The following CLDN15 variants were observed in gnomAD, a reference collection of about 807,000 sequenced individuals.
The protein encoded by CLDN15 is claudin 15.
In CLDN15, 9 loss-of-function variants were observed where a neutral mutation model predicts 24.5. That is an observed-to-expected ratio of 0.37 (90% CI 0.22 to 0.64). The LOEUF (loss-of-function observed/expected upper bound fraction) is 0.64, where lower values mean the gene tolerates loss of function less well. CLDN15 is among the 30% of genes least tolerant of loss of function. CLDN15 has a pLI of 0.63. For missense variants in CLDN15, 248 were observed against 305.9 expected (o/e 0.81, Z 1.41); for synonymous variants, 149 against 131.4 (o/e 1.13, Z -0.92).
chr7:101,234,857 A>C (rs1798592976), intron 1 of CLDN15, among the ~76,000 whole-genome samples: 1 of 147,514 alleles, frequency 6.8e-6, no homozygotes, highest in Non-Finnish European at 1.5e-5. Context: ...CCTGCTCCCC[A>C]CTCCTCCCAT....
Position 101,237,386 on chromosome 7 carries a change from G to A in CLDN15, c.196C>T (p.Pro66Ser), listed in dbSNP as rs767969661. 5.0e-6 allele frequency: 8 copies of A among 1,611,716 alleles called. No homozygotes were observed. The East Asian group carries it at 1.6e-4, about 31-fold the overall frequency. ...SLGVYNCWEF[P>S]SMLALSGYIQ... ...ATACCAGAGAGGGCCAGCATGGACG[G>A]GAACTCCCAGCAGTTGTAGACGCCC... Residue 66 changes from proline (P) to serine (S), a missense_variant, in exon 1 of 5, where the codon CCG (proline) becomes TCG (serine). Pro to Ser is a moderately conservative substitution (Grantham distance 74). Coordinates refer to ENST00000308344, the MANE Select transcript of CLDN15 (RefSeq NM_014343.3). The surrounding 1 kb of genome is among the most constrained non-coding windows in gnomAD (Gnocchi z 4.0).
chr7:101,234,586 C>T (rs1798589530), intron 1 of CLDN15, 144 bp from the exon 2 acceptor site: 5 of 613,636 alleles, frequency 8.1e-6, no homozygotes, highest in African/African-American at 1.8e-5. Flanking sequence ...ACCACCACGC[C>T]CGGCTAATTT....
chr7:101,235,142 T>G (rs1450594288), intron 1 of CLDN15, among the ~76,000 whole-genome samples: 2 of 152,218 alleles, frequency 1.3e-5, no homozygotes, highest in East Asian at 3.8e-4. Flanking sequence ...CGCTGTCGCC[T>G]TCCCCACGTC....
At chr7:101,234,038 C>T (rs771438857) in intron 2 of CLDN15, 31 of 689,936 alleles carry the variant, frequency 4.5e-5, no homozygotes, top group South Asian at 4.3e-4. Context: ...CTTCGAAGTC[C>T]CTCCCACACC....
Position 101,237,246 on chromosome 7 carries a change from T to G in CLDN15, c.217+119A>C. On this transcript the variant is annotated intron_variant, in intron 1 of 4. Coordinates refer to ENST00000308344, the MANE Select transcript of CLDN15 (RefSeq NM_014343.3). The surrounding 1 kb of genome is among the most constrained non-coding windows in gnomAD (Gnocchi z 4.0). ...CCCCAGCACTCCTGGCTGCGGGAAC[T>G]CAGACCCGCAGAGCTTAATTCAGGG... 2 of 736,214 alleles carry G rather than the reference T, an allele frequency of 2.7e-6. No individual in the cohort carries two copies. Among genetic ancestry groups the G allele is most frequent in the Non-Finnish European group, 2.4e-6 (1 of 422,658 alleles). 45.6% of individuals were successfully genotyped at this position (736,214 alleles called of 1,614,324 possible). A position where few individuals can be genotyped will look rare whatever the true frequency, so the allele number is the denominator to read the frequency against.
upstream of CLDN15, chr7:101,237,829 TGACGA>T: frequency 1.8e-6 from 1 of 545,086 alleles, no homozygotes; most frequent in Non-Finnish European, 3.3e-6. This position sits in a 1 kb window ranked among gnomAD's most constrained non-coding sequence, Gnocchi z 4.0. Flanking sequence ...CGGCAGCTGT[TGACGA>T]GATGGAGGGA....
Position 101,232,673 on chromosome 7 carries a change from A to T in CLDN15, c.512T>A (p.Ile171Asn). 6.3e-7 allele frequency: 1 copy of T among 1,592,154 alleles called. No homozygotes were observed. The highest frequency in any genetic ancestry group is 8.5e-7 in the Non-Finnish European group (1 of 1,169,900). ...GAGGCAGAGGCCACCCAGGATGGAG[A>T]TCAGTGAGGCGCTCCACCCCAGGTA... ...ALYLGWSASL[I>N]SILGGLCLCS... Residue 171 changes from isoleucine to asparagine, a missense_variant, in exon 4 of 5, where the codon ATC (isoleucine) becomes AAC (asparagine). By Grantham distance (149) the Ile-to-Asn change is moderately radical (BLOSUM62 -3). Coordinates refer to ENST00000308344, the MANE Select transcript of CLDN15 (RefSeq NM_014343.3).
intron 1 of CLDN15, chr7:101,236,773 G>A (rs192405947): frequency 3.4e-5 from 44 of 1,291,266 alleles, no homozygotes; most frequent in East Asian, 5.6e-5. Context: ...TCCTTACAGC[G>A]GACGCTCAAC....
At chr7:101,236,688 G>A (rs1026278562) in intron 1 of CLDN15, 1 of 1,256,842 alleles carries the variant, frequency 8.0e-7, no homozygotes, top group African/African-American at 1.5e-5. Flanking sequence ...GGCCCAAAGA[G>A]CTGTTGGCTC....
At chr7:101,238,741 G>C (rs1274535411), upstream of CLDN15, 1 of 152,282 alleles carries the variant, frequency 6.6e-6, no homozygotes, top group Non-Finnish European at 1.5e-5. Flanking sequence ...CCTGTTCCCA[G>C]TTATCAGGGA....
Position 101,232,851 on chromosome 7 carries a change from G to A in CLDN15, c.446C>T (p.Pro149Leu), listed in dbSNP as rs1323167335. The change falls in exon 3 of 5, where the codon CCC becomes CTC. Residue 149 changes from proline (P) to leucine (L), a missense_variant. Coordinates refer to ENST00000308344, the MANE Select transcript of CLDN15 (RefSeq NM_014343.3). ...CACTCACTTGGTTCCGGGGTACAAG[G>A]GGTCGAAGAAGTCCCGGGTGATGTT... ...AFNITRDFFD[P>L]LYPGTKYELG... is the part of the protein sequence containing the mutation. The A allele has an allele frequency of 6.2e-7, 1 of 1,613,400 alleles. No individual in the cohort carries two copies. The highest frequency in any genetic ancestry group is 8.5e-7 in the Non-Finnish European group (1 of 1,179,724).
chr7:101,237,371 G>C lies in CLDN15; in HGVS notation c.211C>G (p.Leu71Val). The C allele has an allele frequency of 6.2e-7, 1 of 1,605,438 alleles. No homozygotes were observed. The highest frequency in any genetic ancestry group is 8.5e-7 in the Non-Finnish European group (1 of 1,174,292). Residue 71 changes from leucine to valine, a missense_variant, in exon 1 of 5, where the codon CTC becomes GTC. Leu to Val is a conservative substitution (Grantham distance 32). Coordinates refer to ENST00000308344, the MANE Select transcript of CLDN15 (RefSeq NM_014343.3). This position sits in a 1 kb window ranked among gnomAD's most constrained non-coding sequence, Gnocchi z 4.0. ...NCWEFPSMLA[L>V]SGYIQACRAL... ...AGCGCTCCCCACCCCATACCAGAGA[G>C]GGCCAGCATGGACGGGAACTCCCAG...
chr7:101,234,394 C>G lies in CLDN15; in HGVS notation c.266G>C (p.Gly89Ala). 1 of 1,613,024 alleles carries G rather than the reference C, an allele frequency of 6.2e-7. No individual in the cohort carries two copies. Among genetic ancestry groups the G allele is most frequent in the Non-Finnish European group, 8.5e-7 (1 of 1,179,318 alleles). Reference sequence around the variant, plus strand: ...TATGCCTAGCAAGAGGCCGAGGAAGCCCAGGAGGATGGCGGTGATCATGAG... The same window carrying G: ...TATGCCTAGCAAGAGGCCGAGGAAGGCCAGGAGGATGGCGGTGATCATGAG... The part of the protein sequence containing the change: ...RALMITAILL[G>A]FLGLLLGIAG... The change falls in exon 2 of 5, where the codon GGC (glycine) becomes GCC (alanine). Residue 89 changes from glycine to alanine, a missense_variant. Transcript: ENST00000308344.
upstream of CLDN15, chr7:101,237,832 C>T (rs557308067): frequency 1.7e-5 from 9 of 539,508 alleles, no homozygotes; most frequent in East Asian, 1.9e-4. This position sits in a 1 kb window ranked among gnomAD's most constrained non-coding sequence, Gnocchi z 4.0. Flanking sequence ...CAGCTGTTGA[C>T]GAGATGGAGG....
chr7:101,233,786 T>TTTTTTTTTTTG, intron 2 of CLDN15: 1 of 155,488 alleles, frequency 6.4e-6, no homozygotes, highest in South Asian at 2.0e-4. Flanking sequence ...TTTTTTTTTT[T>TTTTTTTTTTTG]TTTTTTTTGG....
intron 2 of CLDN15, 97 bp from the exon 3 acceptor site, chr7:101,233,011 C>G (rs887230819): frequency 2.5e-6 from 2 of 805,320 alleles, no homozygotes; most frequent in Non-Finnish European, 4.2e-6. Flanking sequence ...CAGAGTAGGA[C>G]GGGGGCACCA....
At chr7:101,233,866 C>T in intron 2 of CLDN15, 1 of 280,800 alleles carries the variant, frequency 3.6e-6, no homozygotes, top group South Asian at 3.3e-5. Context: ...TCAAGTAATC[C>T]ACCCACCTCA....
At chr7:101,236,832 A>C in intron 1 of CLDN15, 4 of 1,290,830 alleles carry the variant, frequency 3.1e-6, no homozygotes, top group Non-Finnish European at 4.0e-6. Flanking sequence ...TATAGACATC[A>C]GCCGGACAAG....
intron 2 of CLDN15, 52 bp from the exon 3 acceptor site, chr7:101,232,966 G>T: frequency 7.7e-7 from 1 of 1,303,840 alleles, no homozygotes; most frequent in Non-Finnish European, 1.1e-6. Flanking sequence ...GATAGTGGGG[G>T]AGGGGGCTTA....
Sources: gnomAD v4.1 joint callset for allele counts (sites outside exome capture counted in the v4.1 genomes callset) on GRCh38, gnomAD v4.1.1 for gene constraint, Gnocchi (gnomAD v3.1) non-coding constraint, MANE v1.5 for transcripts, NCBI Gene and HGNC (gene_info 2026-07-23, HGNC 2026-07-21) for gene names.